PPP2R5C: variants seen among roughly 807,000 people sequenced by gnomAD.
The protein encoded by PPP2R5C is protein phosphatase 2 regulatory subunit B'gamma.
Under a neutral mutation model 68.9 loss-of-function variants are expected in PPP2R5C, and 7 were observed. That is an observed-to-expected ratio of 0.10 (90% CI 0.06 to 0.19). The LOEUF (loss-of-function observed/expected upper bound fraction) is 0.19. Among genes scored for constraint, PPP2R5C ranks in the 10% least tolerant of loss-of-function variants. PPP2R5C has a pLI of 1.00. For missense variants in PPP2R5C, 348 were observed against 641.3 expected, an observed-to-expected ratio of 0.54 and a Z score of 4.94; for synonymous variants, 210 against 222.2, an observed-to-expected ratio of 0.95 and a Z score of 0.49.
At chr14:101,796,535 T>A (rs2038616869) in intron 3 of PPP2R5C, 1 of 152,958 alleles carries the variant, frequency 6.5e-6, no homozygotes, top group Admixed American at 6.5e-5. Context: ...ACAGCGGTGT[T>A]CTAGCTTCAG....
chr14:101,761,688 G>T, upstream of PPP2R5C: 1 of 189,986 alleles, frequency 5.3e-6, no homozygotes, highest in Non-Finnish European at 8.9e-6. Context: ...CGCCGCCGCT[G>T]CCGCCGCCGC....
intron 2 of PPP2R5C, among the ~76,000 whole-genome samples, chr14:101,775,567 C>T (rs962975421): frequency 6.6e-6 from 1 of 152,172 alleles, no homozygotes; most frequent in Non-Finnish European, 1.5e-5. Context: ...GTGAGGGACA[C>T]CTCTGGCATC....
intron 2 of PPP2R5C, among the ~76,000 whole-genome samples, chr14:101,875,528 A>G (rs1402135359): frequency 1.3e-5 from 2 of 152,290 alleles, no homozygotes; most frequent in East Asian, 1.9e-4. Flanking sequence ...TGCTTTTCCC[A>G]GGATCCATTT....
rs1367352004 is a variant in PPP2R5C at position 101,906,700 on chromosome 14, G to A, written c.1151+171G>A. ...AGCAGCGTGGGTTGTTTCTGTGGCC[G>A]TTGAATTTACCACCTTATACCTTCA... On this transcript the variant is annotated intron_variant, in intron 10 of 13. Transcript: ENST00000334743. The surrounding 1 kb of genome is among the most constrained non-coding windows in gnomAD (Gnocchi z 4.0). 2.0e-5 allele frequency: 18 copies of A among 888,082 alleles called. No individual in the cohort carries two copies. The highest frequency in any genetic ancestry group is 3.4e-5 in the African/African-American group (2 of 58,596). The allele number at this position is 888,082 out of a possible 1,614,324, so 55.0% of individuals were successfully genotyped here.
intron 2 of PPP2R5C, chr14:101,766,333 G>A (rs1449379462): frequency 6.6e-6 from 1 of 152,182 alleles, no homozygotes; most frequent in Admixed American, 6.5e-5. Context: ...TAAACATGCC[G>A]ATTCTTGCTT....
upstream of PPP2R5C, among the ~76,000 whole-genome samples, chr14:101,805,596 T>C (rs535809259): frequency 6.6e-6 from 1 of 152,338 alleles, no homozygotes; most frequent in South Asian, 2.1e-4. Context: ...GAGCAGATAC[T>C]TGTAGCCCCA....
chr14:101,899,735 G>A lies in PPP2R5C; in HGVS notation c.853-1984G>A, dbSNP rs184682904. Among the ~76,000 whole-genome samples, 201 of 152,292 alleles carry A rather than the reference G, an allele frequency of 1.3e-3. 1 individual carries two copies. The highest frequency in any genetic ancestry group is 2.3e-3 in the Admixed American group (35 of 15,296). On this transcript the variant is annotated intron_variant, in intron 8 of 13. Transcript: ENST00000334743. The surrounding 1 kb of genome is among the most constrained non-coding windows in gnomAD (Gnocchi z 4.2). ...GTCCTTAATAGTGATTCCAATACAC[G>A]CAAAGTGTGGTAGGAACACAATAAA...
chr14:101,864,509 G>A (rs969101346), intron 2 of PPP2R5C, among the ~76,000 whole-genome samples: 1 of 152,184 alleles, frequency 6.6e-6, no homozygotes, highest in African/African-American at 2.4e-5. Context: ...AATGATACGA[G>A]GGCCAAGGAC....
At chr14:101,847,263 AATT>A (rs1256590833) in intron 1 of PPP2R5C, among the ~76,000 whole-genome samples, 1 of 152,200 alleles carries the variant, frequency 6.6e-6, no homozygotes, top group African/African-American at 2.4e-5. Flanking sequence ...AGGGTATATA[AATT>A]ATTATCAATT....
At chr14:101,849,288 A>G (rs2042013614) in intron 1 of PPP2R5C, among the ~76,000 whole-genome samples, 1 of 152,016 alleles carries the variant, frequency 6.6e-6, no homozygotes, top group Non-Finnish European at 1.5e-5. Flanking sequence ...CTGGCTGTCA[A>G]CCTCGTGTAT....
Position 101,891,835 on chromosome 14 carries a change from C to T in PPP2R5C, c.690-1165C>T, listed in dbSNP as rs533441979. Among the ~76,000 whole-genome samples, 108 of 152,236 alleles carry T rather than the reference C, an allele frequency of 7.1e-4. No homozygotes were observed. The highest frequency in any genetic ancestry group is 2.5e-4 in the Non-Finnish European group (17 of 68,034). Reference sequence around the variant, plus strand: ...TCTGCAGCTCAGTGGCAGTCACTCCCGTTTGCCTAATTACAAAACCAAGAC... The same window carrying T: ...TCTGCAGCTCAGTGGCAGTCACTCCTGTTTGCCTAATTACAAAACCAAGAC... On this transcript the variant is annotated intron_variant, in intron 6 of 13. Coordinates refer to ENST00000334743, the Ensembl canonical transcript of PPP2R5C. The surrounding 1 kb of genome is among the most constrained non-coding windows in gnomAD (Gnocchi z 4.9).
At chr14:101,785,667 G>A (rs996311108) in intron 2 of PPP2R5C, among the ~76,000 whole-genome samples, 4 of 152,204 alleles carry the variant, frequency 2.6e-5, no homozygotes, top group Non-Finnish European at 4.4e-5. Flanking sequence ...CCCATCTGCA[G>A]AGTCCCTGTC....
At chr14:101,919,969 C>CCAAAAAAAAAAAAAAAAAAAAAAA (rs775818748) in intron 13 of PPP2R5C, among the ~76,000 whole-genome samples, 3 of 52,884 alleles carry the variant, frequency 5.7e-5, no homozygotes, top group African/African-American at 9.0e-5. Context: ...AACTCCGTCT[C>CCAAAAAAAAAAAAAAAAAAAAAAA]AAAAAAAAAA....
chr14:101,855,440 A>G (rs2042363853), intron 1 of PPP2R5C, among the ~76,000 whole-genome samples: 1 of 152,210 alleles, frequency 6.6e-6, no homozygotes, highest in Non-Finnish European at 1.5e-5. Flanking sequence ...ACCAAAAGTT[A>G]GTATGGGTCG....
At chr14:101,890,764 CTTTTTTTT>C (rs368348255) in intron 6 of PPP2R5C, among the ~76,000 whole-genome samples, 1 of 115,354 alleles carries the variant, frequency 8.7e-6, no homozygotes, top group Non-Finnish European at 1.7e-5. Flanking sequence ...TTTAGTTGCC[CTTTTTTTT>C]TTTTTTTTTT....
chr14:101,917,862 G>T lies in PPP2R5C; in HGVS notation c.1358G>T (p.Ser453Ile), dbSNP rs2046772590. 2 of 1,613,672 alleles carry T rather than the reference G, an allele frequency of 1.2e-6. No individual in the cohort carries two copies. The highest frequency in any genetic ancestry group is 2.2e-5 in the South Asian group (2 of 91,082). Residue 453 changes from serine (S) to isoleucine (I), a missense_variant, in exon 13 of 14, where the codon AGC (serine) becomes ATC (isoleucine). By Grantham distance (142) the Ser-to-Ile change is moderately radical (BLOSUM62 -2). Around this residue, in one of 4 missense-constraint regions of PPP2R5C, gnomAD observed 118 missense variants for 108.9 expected, o/e 1.08. Coordinates refer to ENST00000334743, the Ensembl canonical transcript of PPP2R5C. This position sits in a 1 kb window ranked among gnomAD's most constrained non-coding sequence, Gnocchi z 4.4. The stretch of plus-strand genomic sequence containing the variant: ...GTGTATAGTCAAGCCAGCACCATGA[G>T]CATTCCGGTTGCAATGGAGACAGAT...
chr14:101,827,950 T>G (rs2040495849), intron 1 of PPP2R5C, among the ~76,000 whole-genome samples: 1 of 152,202 alleles, frequency 6.6e-6, no homozygotes, highest in Non-Finnish European at 1.5e-5. Context: ...ATGTCTTTTT[T>G]GTAGGATCTT....
chr14:101,848,686 C>T (rs528696815), intron 1 of PPP2R5C, among the ~76,000 whole-genome samples: 18 of 152,208 alleles, frequency 1.2e-4, no homozygotes, highest in South Asian at 4.1e-4. Flanking sequence ...ATCGTGCAGC[C>T]GAATGTACCC....
At chr14:101,886,346 T>C (rs1389331124) in intron 5 of PPP2R5C, among the ~76,000 whole-genome samples, 2 of 152,028 alleles carry the variant, frequency 1.3e-5, no homozygotes, top group Non-Finnish European at 2.9e-5. Flanking sequence ...AATACTTAAA[T>C]AGATTAGTAT....
Sources: allele counts gnomAD v4.1 joint callset (sites outside exome capture counted in the v4.1 genomes callset), GRCh38; gene constraint gnomAD v4.1.1; regional missense constraint gnomAD v4.1.1; non-coding constraint Gnocchi (gnomAD v3.1); transcripts MANE v1.5; gene names NCBI Gene and HGNC (gene_info 2026-07-23, HGNC 2026-07-21).